KIAA0825: variants seen among roughly 807,000 people sequenced by gnomAD.
The protein encoded by KIAA0825 is KIAA0825.
Under a neutral mutation model 147.6 loss-of-function variants are expected in KIAA0825, and 119 were observed. That is an observed-to-expected ratio of 0.81 (90% confidence interval 0.69 to 0.94). KIAA0825 has a LOEUF of 0.94. Ranked by LOEUF, KIAA0825 falls within the 40% of genes least tolerant of loss-of-function variation. The pLI, the probability that KIAA0825 is intolerant of heterozygous loss-of-function variation, is 0.00. For synonymous variants in KIAA0825, 470 were observed against 518.1 expected (o/e 0.91, Z 1.26); for missense variants, 1,381 against 1,472.7 (o/e 0.94, Z 1.02).
chr5:94,227,947 T>C (rs1021315876), intron 20 of KIAA0825, among the ~76,000 whole-genome samples: 1 of 152,030 alleles, frequency 6.6e-6, no homozygotes, highest in East Asian at 1.9e-4. Flanking sequence ...ACATGTACCC[T>C]AGAACTTAAT....
chr5:94,217,245 C>A (rs907647380), intron 20 of KIAA0825, among the ~76,000 whole-genome samples: 1 of 151,668 alleles, frequency 6.6e-6, no homozygotes, highest in African/African-American at 2.4e-5. Flanking sequence ...AAATGACTTA[C>A]GTATCATTTA....
At chr5:94,261,914 C>T (rs1446873465) in intron 20 of KIAA0825, among the ~76,000 whole-genome samples, 1 of 151,978 alleles carries the variant, frequency 6.6e-6, no homozygotes, top group East Asian at 1.9e-4. Flanking sequence ...AATCTATTCT[C>T]CATGTTACAG....
intron 20 of KIAA0825, among the ~76,000 whole-genome samples, chr5:94,211,000 C>T (rs1056263637): frequency 6.6e-6 from 1 of 151,906 alleles, no homozygotes; most frequent in Non-Finnish European, 1.5e-5. Flanking sequence ...TATTATTGCC[C>T]CATCTTGTCT....
intron 5 of KIAA0825, among the ~76,000 whole-genome samples, chr5:94,504,829 C>A (rs1361751690): frequency 6.7e-6 from 1 of 150,010 alleles, no homozygotes; most frequent in Non-Finnish European, 1.5e-5. Context: ...CTTACTGCAA[C>A]CTCTGCTTCC....
intron 1 of KIAA0825, among the ~76,000 whole-genome samples, chr5:94,585,358 T>C (rs1038461943): frequency 5.3e-5 from 8 of 151,862 alleles, no homozygotes; most frequent in Non-Finnish European, 1.0e-4. Flanking sequence ...ACCAAGCAAA[T>C]GGAAAGCAAA....
intron 20 of KIAA0825, among the ~76,000 whole-genome samples, chr5:94,290,322 C>T (rs568677555): frequency 2.0e-5 from 3 of 152,218 alleles, no homozygotes; most frequent in Admixed American, 6.5e-5. Context: ...GTGTGATGTT[C>T]CCCTCCTTGT....
At chr5:94,240,864 C>A (rs1297524158) in intron 20 of KIAA0825, among the ~76,000 whole-genome samples, 1 of 152,132 alleles carries the variant, frequency 6.6e-6, no homozygotes, top group African/African-American at 2.4e-5. Flanking sequence ...AGTTCCATTG[C>A]CGAAATTCCT....
At chr5:94,588,610 C>T (rs1783769031) in intron 1 of KIAA0825, among the ~76,000 whole-genome samples, 1 of 152,104 alleles carries the variant, frequency 6.6e-6, no homozygotes, top group South Asian at 2.1e-4. Flanking sequence ...TTAGTTCAAC[C>T]ATTGTGGAAG....
intron 1 of KIAA0825, among the ~76,000 whole-genome samples, chr5:94,617,157 T>C (rs979639040): frequency 2.6e-5 from 4 of 152,204 alleles, no homozygotes; most frequent in African/African-American, 9.6e-5. Flanking sequence ...TAAGTATTAA[T>C]GATTGGCTAC....
intron 20 of KIAA0825, among the ~76,000 whole-genome samples, chr5:94,216,909 T>A (rs1012140386): frequency 6.6e-6 from 1 of 152,210 alleles, no homozygotes; most frequent in Non-Finnish European, 1.5e-5. Flanking sequence ...TGAATCTATG[T>A]TAATTAAATA....
intron 2 of KIAA0825, among the ~76,000 whole-genome samples, chr5:94,562,647 T>C (rs1246793526): frequency 2.6e-5 from 4 of 152,230 alleles, no homozygotes; most frequent in East Asian, 1.9e-4. Context: ...TTTCCACACT[T>C]GACAATCTCT....
At chr5:94,242,751 A>G (rs151235283) in intron 20 of KIAA0825, among the ~76,000 whole-genome samples, 1 of 151,866 alleles carries the variant, frequency 6.6e-6, no homozygotes, top group African/African-American at 2.4e-5. Context: ...TCAGCCACCC[A>G]AGTAGCTGGG....
chr5:94,430,074 G>A (rs988413658), intron 14 of KIAA0825, among the ~76,000 whole-genome samples: 1 of 152,070 alleles, frequency 6.6e-6, no homozygotes, highest in Non-Finnish European at 1.5e-5. Context: ...GGAGGGGTGG[G>A]GCAACTCATG....
intron 2 of KIAA0825, among the ~76,000 whole-genome samples, chr5:94,546,181 G>A (rs1010372071): frequency 1.3e-5 from 2 of 152,168 alleles, no homozygotes; most frequent in Non-Finnish European, 2.9e-5. Context: ...TGTGGTTTGA[G>A]GGCCAGCTTA....
At chr5:94,293,590 G>A (rs1016714691) in intron 20 of KIAA0825, among the ~76,000 whole-genome samples, 3 of 152,194 alleles carry the variant, frequency 2.0e-5, no homozygotes, top group African/African-American at 4.8e-5. Flanking sequence ...ATATTCTGTT[G>A]ATTTGGGGTG....
chr5:94,303,949 C>T (rs1778560253), intron 20 of KIAA0825, among the ~76,000 whole-genome samples: 3 of 152,070 alleles, frequency 2.0e-5, no homozygotes, highest in South Asian at 4.2e-4. Flanking sequence ...ATTGATTTCT[C>T]GCCTCATTTT....
chr5:94,263,550 G>A (rs1241916985), intron 20 of KIAA0825, among the ~76,000 whole-genome samples: 1 of 152,102 alleles, frequency 6.6e-6, no homozygotes. Context: ...ACTCCTGAGT[G>A]TATGTTTTAG....
At chr5:94,537,274 A>C (rs1022108750) in intron 2 of KIAA0825, 147 bp from the exon 3 acceptor site, 16 of 569,434 alleles carry the variant, frequency 2.8e-5, no homozygotes, top group Non-Finnish European at 4.7e-5. Flanking sequence ...GCAGTTGGAG[A>C]ACTAGGGTAT....
At chr5:94,587,341 A>G (rs541621226) in intron 1 of KIAA0825, among the ~76,000 whole-genome samples, 102 of 152,358 alleles carry the variant, frequency 6.7e-4, no homozygotes, top group African/African-American at 2.3e-3. Flanking sequence ...CAACCTCAGC[A>G]AAGTCTCAGG....
Sources: gnomAD v4.1 joint callset for allele counts (sites outside exome capture counted in the v4.1 genomes callset) on GRCh38, gnomAD v4.1.1 for gene constraint, MANE v1.5 for transcripts, NCBI Gene and HGNC (gene_info 2026-07-23, HGNC 2026-07-21) for gene names.